Variants in AKR1E2 observed in about 807,000 individuals in gnomAD.
The protein encoded by AKR1E2 is aldo-keto reductase family 1 member E2.
A neutral mutation model predicts 41.9 loss-of-function variants in AKR1E2; 43 were observed. The ratio of observed to expected loss-of-function variants is 1.03; its 90% CI spans 0.80 to 1.32. The LOEUF is 1.32. AKR1E2 is among the 40% of genes most tolerant of loss of function. The pLI, the probability that AKR1E2 is intolerant of heterozygous loss-of-function variation, is 0.00. For missense variants in AKR1E2, 423 were observed against 396.5 expected (o/e 1.07, Z -0.57); for synonymous variants, 121 against 138.9 (o/e 0.87, Z 0.91).
the AKR1E2 span, among the ~76,000 whole-genome samples, chr10:4,859,124 G>T: frequency 6.6e-6 from 1 of 152,152 alleles, no homozygotes; most frequent in Non-Finnish European, 1.5e-5. Flanking sequence ...ACCCAGCCAG[G>T]AATTTGGATT....
At chr10:4,834,598 A>G (rs902033848) in intron 3 of AKR1E2, among the ~76,000 whole-genome samples, 1 of 152,206 alleles carries the variant, frequency 6.6e-6, no homozygotes, top group Non-Finnish European at 1.5e-5. Flanking sequence ...CAGTTCTACA[A>G]AGTTGACACT....
the AKR1E2 span, among the ~76,000 whole-genome samples, chr10:4,865,738 CA>C: frequency 6.6e-6 from 1 of 152,170 alleles, no homozygotes; most frequent in Admixed American, 6.5e-5. Flanking sequence ...TATTAAGTTT[CA>C]AAATCTTTAA....
At chr10:4,845,432 G>A (rs995036237) in intron 8 of AKR1E2, among the ~76,000 whole-genome samples, 1 of 152,106 alleles carries the variant, frequency 6.6e-6, no homozygotes, top group Admixed American at 6.5e-5. Flanking sequence ...GAGGAGGCCC[G>A]GAGAGCTAGT....
Position 4,826,359 on chromosome 10 carries a change from G to A in AKR1E2, c.35G>A (p.Trp12Ter). 1 of 1,234,776 alleles carries A rather than the reference G, an allele frequency of 8.1e-7. No homozygotes were observed. The highest frequency in any genetic ancestry group is 1.0e-6 in the Non-Finnish European group (1 of 987,446). 76.5% of individuals were successfully genotyped at this position (1,234,776 alleles called of 1,614,324 possible). A position where few individuals can be genotyped will look rare whatever the true frequency, so the allele number is the denominator to read the frequency against. ...ATCCCAGCCGTGGGCCTCAGCTCCT[G>A]GAAGGTGACGCGGTCGCGGGCAGGG... The part of the protein sequence containing the change: ...GDIPAVGLSS[W>*]KASPGKVTEA... The change falls in exon 1 of 10, where the codon TGG becomes TAG. Residue 12 changes from tryptophan (W) to a stop codon, truncating the protein, a stop_gained. Coordinates refer to ENST00000298375, the MANE Select transcript of AKR1E2 (RefSeq NM_001040177.3). LOFTEE classifies it high-confidence loss of function.
At chr10:4,855,723 G>A in the AKR1E2 span, among the ~76,000 whole-genome samples, 1 of 152,156 alleles carries the variant, frequency 6.6e-6, no homozygotes, top group South Asian at 2.1e-4. Context: ...AAAGTGTAAT[G>A]CCTTTTAGTT....
At position 4,833,084 on chromosome 10, in the gene AKR1E2, C is replaced by T. The variant is rs12571065; in HGVS notation, c.208-266C>T. Among the ~76,000 whole-genome samples the T allele has an allele frequency of 0.035, 5,310 of 152,206 alleles. 151 individuals are homozygous for T. The highest frequency in any genetic ancestry group is 0.12 in the East Asian group (596 of 5,176). On this transcript the variant is annotated intron_variant, in intron 2 of 9. Coordinates refer to ENST00000298375, the MANE Select transcript of AKR1E2 (RefSeq NM_001040177.3). ...TTTTGGTCCCAATGAATCCAAATAA[C>T]CATCAAATATCTCTTGGATTCCTGA...
At chr10:4,828,029 A>C (rs1252797478) in intron 1 of AKR1E2, among the ~76,000 whole-genome samples, 1 of 152,228 alleles carries the variant, frequency 6.6e-6, no homozygotes, top group South Asian at 2.1e-4. Context: ...TCACTGGTCT[A>C]TGCAAAGGCT....
intron 8 of AKR1E2, among the ~76,000 whole-genome samples, chr10:4,844,539 C>T (rs531199762): frequency 3.3e-5 from 5 of 152,254 alleles, no homozygotes; most frequent in South Asian, 4.2e-4. Flanking sequence ...TACAGAGAGC[C>T]GAGTGGTCTG....
intron 3 of AKR1E2, among the ~76,000 whole-genome samples, chr10:4,835,228 C>T (rs1437101416): frequency 6.6e-6 from 1 of 152,168 alleles, no homozygotes; most frequent in Non-Finnish European, 1.5e-5. Flanking sequence ...TCCTGTGTAC[C>T]TTTGTATTCT....
the AKR1E2 span, among the ~76,000 whole-genome samples, chr10:4,864,803 T>C: frequency 2.6e-5 from 4 of 152,230 alleles, no homozygotes; most frequent in African/African-American, 9.6e-5. Flanking sequence ...CAAGCATTCT[T>C]ATACACCAAT....
chr10:4,863,019 T>G, the AKR1E2 span, among the ~76,000 whole-genome samples: 1 of 151,914 alleles, frequency 6.6e-6, no homozygotes, highest in Non-Finnish European at 1.5e-5. Context: ...TGGGAGACTT[T>G]AACACCCCAC....
At chr10:4,830,952 A>G in intron 2 of AKR1E2, 110 bp downstream of exon 2, 1 of 1,307,004 alleles carries the variant, frequency 7.7e-7, no homozygotes, top group Non-Finnish European at 1.1e-6. Context: ...TCAAATCGGA[A>G]TAAACAAGAA....
Position 4,839,816 on chromosome 10 carries a change from G to C in AKR1E2, c.670G>C (p.Gly224Arg). 6.2e-7 allele frequency: 1 copy of C among 1,613,950 alleles called. No individual in the cohort carries two copies. Among genetic ancestry groups the C allele is most frequent in the Non-Finnish European group, 8.5e-7 (1 of 1,179,906 alleles). Residue 224 changes from glycine (G) to arginine (R), a missense_variant, in exon 6 of 10, where the codon GGT becomes CGT. Transcript: ENST00000298375. ...GTCCGTGACTGCTTACCGTCCTCTT[G>C]GTGGCTCGTGGTAAGGATACCTCAG... is the stretch of plus-strand genomic sequence containing the variant. ...DVSVTAYRPL[G>R]GSCEGVDLID...
intron 8 of AKR1E2, among the ~76,000 whole-genome samples, chr10:4,843,628 T>C (rs1834058491): frequency 6.6e-6 from 1 of 152,236 alleles, no homozygotes; most frequent in Non-Finnish European, 1.5e-5. Flanking sequence ...TTGGGGTTTA[T>C]TGACCCATCT....
chr10:4,858,008 A>C, the AKR1E2 span, among the ~76,000 whole-genome samples: 4 of 151,808 alleles, frequency 2.6e-5, no homozygotes, highest in Non-Finnish European at 5.9e-5. Flanking sequence ...TCTTGTCTTT[A>C]TTATTTCCTT....
At chr10:4,859,604 C>A in the AKR1E2 span, among the ~76,000 whole-genome samples, 1 of 152,148 alleles carries the variant, frequency 6.6e-6, no homozygotes, top group Non-Finnish European at 1.5e-5. Context: ...ACAATTCTGC[C>A]CGCACTTCTC....
In AKR1E2 at chr10:4,847,228, C is replaced by G. The variant is rs577547952; in HGVS notation, c.918C>G (p.Pro306=). 5 of 1,613,760 alleles carry G rather than the reference C, an allele frequency of 3.1e-6. No homozygotes were observed. The highest frequency in any genetic ancestry group is 4.2e-6 in the Non-Finnish European group (5 of 1,179,804). Residue 306 remains proline (P), a splice_region_variant and synonymous_variant, in exon 9 of 10, where the codon CCC becomes CCG. Transcript: ENST00000298375. The stretch of plus-strand genomic sequence containing the variant: ...GGAATCTCCGACTGGCCATGTTCCC[C>G]ATGTAAATATGGCTCCTTCTTTTTA... The part of the protein sequence containing the change: ...LNRNLRLAMF[P]ITKNHKDYPF...
At chr10:4,853,586 T>A in the AKR1E2 span, among the ~76,000 whole-genome samples, 1 of 152,200 alleles carries the variant, frequency 6.6e-6, no homozygotes, top group African/African-American at 2.4e-5. Flanking sequence ...TAGTTTTATA[T>A]GTTTTAGGGA....
At chr10:4,866,463 T>C in the AKR1E2 span, among the ~76,000 whole-genome samples, 1 of 151,996 alleles carries the variant, frequency 6.6e-6, no homozygotes, top group African/African-American at 2.4e-5. Context: ...TTATCACAAA[T>C]GTAGCTGCCC....
Sources: allele counts gnomAD v4.1 joint callset (sites outside exome capture counted in the v4.1 genomes callset), GRCh38; gene constraint gnomAD v4.1.1; transcripts MANE v1.5; gene names NCBI Gene and HGNC (gene_info 2026-07-23, HGNC 2026-07-21).